Variants in SLC35D4 observed in about 807,000 individuals in gnomAD.
SLC35D4 encodes solute carrier family 35 member D4.
At chr18:23,254,036 G>A in the SLC35D4 span, 1 of 974,758 alleles carries the variant, frequency 1.0e-6, no homozygotes, top group Non-Finnish European at 1.6e-6. Context: ...GAAGGATTCT[G>A]ATCCTTAGTC....
At chr18:23,373,540 G>A in the SLC35D4 span, among the ~76,000 whole-genome samples, 1 of 152,198 alleles carries the variant, frequency 6.6e-6, no homozygotes, top group Non-Finnish European at 1.5e-5. Context: ...CAAAGGCCTG[G>A]GGAAATGGTG....
the SLC35D4 span, among the ~76,000 whole-genome samples, chr18:23,300,083 G>A: frequency 7.3e-4 from 111 of 152,260 alleles, no homozygotes; most frequent in African/African-American, 2.6e-3. Context: ...GAACGAGGCC[G>A]CTTTGTGAAG....
chr18:23,238,861 C>T, the SLC35D4 span, among the ~76,000 whole-genome samples: 24 of 152,228 alleles, frequency 1.6e-4, no homozygotes, highest in African/African-American at 5.5e-4. Flanking sequence ...CCACATTCCT[C>T]AGCAGTCAGC....
the SLC35D4 span, among the ~76,000 whole-genome samples, chr18:23,307,825 C>A: frequency 1.3e-5 from 2 of 152,202 alleles, no homozygotes; most frequent in Non-Finnish European, 2.9e-5. Context: ...CCTCCTGGGA[C>A]TCTGAGTCCC....
the SLC35D4 span, among the ~76,000 whole-genome samples, chr18:23,365,160 C>A: frequency 6.6e-6 from 1 of 152,142 alleles, no homozygotes; most frequent in Non-Finnish European, 1.5e-5. Flanking sequence ...GGTACCATAG[C>A]AGGCCTTGGG....
At chr18:23,356,554 A>G in the SLC35D4 span, 5 of 1,604,574 alleles carry the variant, frequency 3.1e-6, no homozygotes, top group Non-Finnish European at 4.3e-6. The surrounding 1 kb of genome is among the most constrained non-coding windows in gnomAD (Gnocchi z 4.1). Context: ...GACACAGCGG[A>G]CAGCACAGAA....
chr18:23,344,339 T>C, the SLC35D4 span, among the ~76,000 whole-genome samples: 2 of 152,194 alleles, frequency 1.3e-5, no homozygotes, highest in Admixed American at 6.5e-5. Context: ...GTCTTTATGG[T>C]AGTACAATTT....
the SLC35D4 span, among the ~76,000 whole-genome samples, chr18:23,316,328 A>T: frequency 2.0e-5 from 3 of 152,248 alleles, no homozygotes; most frequent in Non-Finnish European, 4.4e-5. Flanking sequence ...TCCAGGTTAA[A>T]GAGTAAATCT....
the SLC35D4 span, among the ~76,000 whole-genome samples, chr18:23,317,016 T>A: frequency 6.6e-6 from 1 of 151,890 alleles, no homozygotes; most frequent in Admixed American, 6.6e-5. Context: ...AAAGGAAGAG[T>A]TGGAACTAAA....
chr18:23,396,114 G>A, the SLC35D4 span, among the ~76,000 whole-genome samples: 1 of 152,170 alleles, frequency 6.6e-6, no homozygotes, highest in East Asian at 1.9e-4. Flanking sequence ...TCATTTGGTT[G>A]TGAGTCTGAG....
At chr18:23,408,030 C>G in the SLC35D4 span, among the ~76,000 whole-genome samples, 1 of 152,122 alleles carries the variant, frequency 6.6e-6, no homozygotes, top group Non-Finnish European at 1.5e-5. Flanking sequence ...ACCCTCTCCC[C>G]ACAAATCACC....
the SLC35D4 span, chr18:23,260,616 T>G: frequency 6.7e-6 from 1 of 149,562 alleles, no homozygotes; most frequent in Non-Finnish European, 1.5e-5. Flanking sequence ...GTGGGTGGGG[T>G]GGGGGGAGGC....
At chr18:23,342,928 CTT>C in the SLC35D4 span, among the ~76,000 whole-genome samples, 1 of 147,360 alleles carries the variant, frequency 6.8e-6, no homozygotes. Flanking sequence ...TCAACATTAT[CTT>C]TTTTTTTTTT....
At chr18:23,284,019 A>G in the SLC35D4 span, among the ~76,000 whole-genome samples, 21 of 152,216 alleles carry the variant, frequency 1.4e-4, no homozygotes, top group Non-Finnish European at 2.9e-4. Context: ...TAACTTCCTG[A>G]CGTTGCCATT....
chr18:23,294,755 T>A, the SLC35D4 span, among the ~76,000 whole-genome samples: 1 of 152,050 alleles, frequency 6.6e-6, no homozygotes, highest in Non-Finnish European at 1.5e-5. Flanking sequence ...TGAACCCCTA[T>A]CTCAAGCAAA....
the SLC35D4 span, among the ~76,000 whole-genome samples, chr18:23,307,638 C>T: frequency 3.3e-5 from 5 of 152,232 alleles, no homozygotes; most frequent in African/African-American, 4.8e-5. Context: ...AGGGCGAGCC[C>T]GGGGCGCTGG....
the SLC35D4 span, chr18:23,257,408 T>C: frequency 6.5e-7 from 1 of 1,546,226 alleles, no homozygotes; most frequent in Non-Finnish European, 8.7e-7. Context: ...TCTTCTCAGC[T>C]TGGTGGAGCA....
the SLC35D4 span, among the ~76,000 whole-genome samples, chr18:23,383,433 C>T: frequency 3.3e-5 from 5 of 150,838 alleles, no homozygotes; most frequent in East Asian, 2.0e-4. Flanking sequence ...GAGGAGAAAG[C>T]GGGGGGAATG....
At chr18:23,318,039 T>A in the SLC35D4 span, among the ~76,000 whole-genome samples, 1 of 152,182 alleles carries the variant, frequency 6.6e-6, no homozygotes. Context: ...TGCCCAACCA[T>A]ATGTGTTTCA....
Sources: gnomAD v4.1 joint callset for allele counts (sites outside exome capture counted in the v4.1 genomes callset) on GRCh38, gnomAD v4.1.1 for gene constraint, Gnocchi (gnomAD v3.1) non-coding constraint, MANE v1.5 for transcripts, NCBI Gene and HGNC (gene_info 2026-07-23, HGNC 2026-07-21) for gene names.